Variants in GABRP observed in about 807,000 individuals in gnomAD.
The protein encoded by GABRP is gamma-aminobutyric acid type A receptor subunit pi.
GABRP carries 52 observed loss-of-function variants against 47.8 expected under a neutral mutation model. The observed-to-expected ratio is 1.09, with a 90% CI of 0.87 to 1.37. GABRP has a LOEUF of 1.37. Among genes scored for constraint, GABRP ranks in the 40% most tolerant of loss-of-function variants. The probability of loss-of-function intolerance (pLI) is 0.00; values close to 1 mark genes in which losing one functional copy is unlikely to be tolerated. For missense variants in GABRP, 525 were observed against 542.8 expected, an observed-to-expected ratio of 0.97 and a Z score of 0.33; for synonymous variants, 221 against 205.8, an observed-to-expected ratio of 1.07 and a Z score of -0.63.
At chr5:170,798,961 C>T (rs1765513886) in intron 6 of GABRP, among the ~76,000 whole-genome samples, 1 of 146,470 alleles carries the variant, frequency 6.8e-6, no homozygotes, top group Admixed American at 6.8e-5. Context: ...CACACCCTTC[C>T]TGTGTTCCCC....
At chr5:170,791,781 T>C (rs758135205) in intron 3 of GABRP, among the ~76,000 whole-genome samples, 3 of 152,208 alleles carry the variant, frequency 2.0e-5, no homozygotes, top group Non-Finnish European at 2.9e-5. Flanking sequence ...CTCTCAATGG[T>C]TGGCACTTGT....
chr5:170,810,215 TCTG>T (rs1249096455), intron 9 of GABRP: 1 of 443,416 alleles, frequency 2.3e-6, no homozygotes, highest in East Asian at 3.5e-5. Flanking sequence ...AGCATATTTT[TCTG>T]CTAATTGAGA....
chr5:170,784,947 A>G lies in GABRP; in HGVS notation c.-43+1073A>G, dbSNP rs560113062. Among the ~76,000 whole-genome samples the G allele has an allele frequency of 2.6e-5, 4 of 152,304 alleles. No homozygotes were observed. In the South Asian group the frequency reaches 8.3e-4, roughly 32 times the overall value. ...CATGTCCCTGCAGATGCAGAAGGCT[A>G]GGTGGTTCCAGTCAACATCTGTGTT... On this transcript the variant is annotated intron_variant, in intron 1 of 9. Coordinates refer to ENST00000265294, the MANE Select transcript of GABRP (RefSeq NM_014211.3).
intron 8 of GABRP, 135 bp from the exon 9 acceptor site, chr5:170,809,433 C>A: frequency 1.2e-6 from 1 of 802,596 alleles, no homozygotes; most frequent in Non-Finnish European, 2.1e-6. Context: ...AGGTCGCAGA[C>A]TTTTCAAAAT....
At chr5:170,795,594 C>G (rs1765405848) in intron 5 of GABRP, among the ~76,000 whole-genome samples, 169 bp downstream of exon 5, 3 of 152,156 alleles carry the variant, frequency 2.0e-5, no homozygotes, top group Non-Finnish European at 2.9e-5. Context: ...CATCATCTAC[C>G]AAATGCCTGC....
At chr5:170,805,997 A>G in intron 7 of GABRP, 144 bp downstream of exon 7, 1 of 815,768 alleles carries the variant, frequency 1.2e-6, no homozygotes. Context: ...GAGCAATTCC[A>G]CCTCCTCCAC....
At position 170,794,407 on chromosome 5, in the gene GABRP, TG is replaced by T; in HGVS notation, c.240+111del. The T allele has an allele frequency of 8.6e-6, 5 of 582,458 alleles. No homozygotes were observed. In the South Asian group the frequency reaches 1.7e-4, roughly 20 times the overall value. 36.1% of individuals were successfully genotyped at this position (582,458 alleles called of 1,614,324 possible). ...AAAAAAAAAAAAAAAGAATGGCTCA[TG>T]GCCCTCCTCCATTTGGAATGGCAGA... On this transcript the variant is annotated intron_variant, in intron 4 of 9. Coordinates refer to ENST00000265294, the MANE Select transcript of GABRP (RefSeq NM_014211.3).
At chr5:170,798,199 G>A (rs907016366) in intron 6 of GABRP, among the ~76,000 whole-genome samples, 5 of 152,134 alleles carry the variant, frequency 3.3e-5, no homozygotes, top group African/African-American at 7.2e-5. Context: ...CCGCCACCAC[G>A]CCCGGCTAAT....
At chr5:170,796,111 G>A (rs1478618536) in intron 5 of GABRP, among the ~76,000 whole-genome samples, 1 of 152,214 alleles carries the variant, frequency 6.6e-6, no homozygotes, top group African/African-American at 2.4e-5. Context: ...AGCTCCCAGA[G>A]GCCTTGGGGA....
Position 170,812,046 on chromosome 5 carries a change from A to G in GABRP, c.1111A>G (p.Ile371Val). The G allele has an allele frequency of 6.2e-7, 1 of 1,614,214 alleles. No individual in the cohort carries two copies. The highest frequency in any genetic ancestry group is 1.3e-5 in the African/African-American group (1 of 75,066). Residue 371 changes from isoleucine to valine, a missense_variant, in exon 10 of 10, where the codon ATT (isoleucine) becomes GTT (valine). Physicochemically the swap from Ile to Val is conservative, Grantham distance 29. Transcript: ENST00000265294. The stretch of plus-strand genomic sequence containing the variant: ...TAAACGGAAGATCAGCTTTGCCAGC[A>G]TTGAAATTTCCAGCGACAACGTTGA... Reference protein sequence around the residue: ...SFKRKISFASIEISSDNVDYS... With the variant: ...SFKRKISFASVEISSDNVDYS...
At chr5:170,804,441 G>T (rs2127262808) in intron 6 of GABRP, among the ~76,000 whole-genome samples, 1 of 152,226 alleles carries the variant, frequency 6.6e-6, no homozygotes, top group Admixed American at 6.5e-5. Context: ...TTGCTACTTT[G>T]TTACTGTTTC....
chr5:170,785,808 C>T (rs529663579), intron 1 of GABRP, among the ~76,000 whole-genome samples: 1 of 152,306 alleles, frequency 6.6e-6, no homozygotes, highest in African/African-American at 2.4e-5. Context: ...GAGAAAGACA[C>T]AGACAGCCAA....
chr5:170,805,909 T>G, intron 7 of GABRP, 56 bp downstream of exon 7: 1 of 1,581,722 alleles, frequency 6.3e-7, no homozygotes, highest in Non-Finnish European at 8.6e-7. Flanking sequence ...GGTGTAGGGT[T>G]GCTCTCTGAG....
In GABRP at chr5:170,797,557, A is replaced by G. The variant is rs777858445; in HGVS notation, c.541+9A>G. 8 of 1,556,288 alleles carry G rather than the reference A, an allele frequency of 5.1e-6. No homozygotes were observed. The East Asian group carries it at 6.7e-5, about 13-fold the overall frequency. ...GTTGCAGCTGGAAAGCTGTAAGTAT[A>G]CATCCTACAGGCTCCTGAGATGATT... On this transcript the variant is annotated intron_variant, in intron 6 of 9. Transcript: ENST00000265294.
At chr5:170,811,355 T>C (rs1274177324) in intron 9 of GABRP, among the ~76,000 whole-genome samples, 2 of 151,506 alleles carry the variant, frequency 1.3e-5, no homozygotes, top group African/African-American at 4.8e-5. Context: ...ACCCCAGCCA[T>C]GTTGGAGAAT....
intron 6 of GABRP, among the ~76,000 whole-genome samples, chr5:170,804,523 C>T (rs6876169): frequency 0.52 from 79,454 of 151,898 alleles, 23,307 homozygotes; most frequent in African/African-American, 0.81. Flanking sequence ...GCCTTCGTTA[C>T]TGTCTATCTT....
chr5:170,804,392 T>A (rs1765673815), intron 6 of GABRP, among the ~76,000 whole-genome samples: 1 of 152,158 alleles, frequency 6.6e-6, no homozygotes, highest in Non-Finnish European at 1.5e-5. Context: ...AGTGGAATGC[T>A]GGGTCAAATG....
At chr5:170,789,365 G>T in intron 3 of GABRP, 118 bp downstream of exon 3, 1 of 637,030 alleles carries the variant, frequency 1.6e-6, no homozygotes, top group Non-Finnish European at 2.7e-6. Flanking sequence ...GCCTGTTAAG[G>T]ATTGGCAATG....
At chr5:170,794,335 C>G in intron 4 of GABRP, 37 bp downstream of exon 4, 1 of 1,322,130 alleles carries the variant, frequency 7.6e-7, no homozygotes, top group Non-Finnish European at 1.1e-6. Context: ...CCAAGTAGTC[C>G]CTCTCTGTGT....
Sources: gnomAD v4.1 joint callset for allele counts (sites outside exome capture counted in the v4.1 genomes callset) on GRCh38, gnomAD v4.1.1 for gene constraint, MANE v1.5 for transcripts, NCBI Gene and HGNC (gene_info 2026-07-23, HGNC 2026-07-21) for gene names.